The following DNAH17 variants were observed in gnomAD, a reference collection of about 807,000 sequenced individuals.
DNAH17 encodes the protein axonemal beta dynein heavy chain 17.
In DNAH17, 376 loss-of-function variants were observed where a neutral mutation model predicts 485.6. That is an observed-to-expected ratio of 0.77 (90% CI 0.71 to 0.84). The LOEUF is 0.84. Among genes scored for constraint, DNAH17 ranks in the 40% least tolerant of loss-of-function variants. The pLI, the probability that DNAH17 is intolerant of heterozygous loss-of-function variation, is 0.00. For missense variants in DNAH17, 6,370 were observed against 5,839.3 expected (o/e 1.09, Z -2.96); for synonymous variants, 3,031 against 2,405.9 (o/e 1.26, Z -7.60).
In DNAH17 at chr17:78,476,701, T is replaced by C. The variant is rs760195448; in HGVS notation, c.8025A>G (p.Lys2675=). 4 of 1,612,852 alleles carry C rather than the reference T, an allele frequency of 2.5e-6. No individual in the cohort carries two copies. In the African/African-American group the frequency reaches 5.3e-5, roughly 22 times the overall value. ...GLLFSTAEVL[K]TPLDLVRLWL... ...AAAGGCGGACGAGGTCCAGTGGGGT[T>C]TTCAGAACTTCTGCTGTGGAAAATA... is the stretch of plus-strand genomic sequence containing the variant. The change falls in exon 52 of 81, where the codon AAA becomes AAG. Residue 2675 remains lysine (K), a synonymous_variant. Transcript: ENST00000389840.
chr17:78,560,252 G>A (rs571541367), intron 13 of DNAH17, among the ~76,000 whole-genome samples: 1 of 152,302 alleles, frequency 6.6e-6, no homozygotes, highest in African/African-American at 2.4e-5. Context: ...TTAGTGAGTG[G>A]GAAGATTTCC....
chr17:78,479,564 G>C lies in DNAH17; in HGVS notation c.7821C>G (p.Ile2607Met). 1 of 1,613,730 alleles carries C rather than the reference G, an allele frequency of 6.2e-7. No homozygotes were observed. The highest frequency in any genetic ancestry group is 1.1e-5 in the South Asian group (1 of 91,082). ...AGCGGAAGGCCAGGTGCTGCGTCAG[G>C]ATTGTGTTGTAGATGGTGGTGAGGG... ...QEALTTIYNT[I>M]LTQHLAFRSV... Residue 2607 changes from isoleucine to methionine, a missense_variant, in exon 50 of 81, where the codon ATC (isoleucine) becomes ATG (methionine). Transcript: ENST00000389840.
chr17:78,512,957 A>G (rs1342642712), intron 26 of DNAH17, among the ~76,000 whole-genome samples: 1 of 151,272 alleles, frequency 6.6e-6, no homozygotes, highest in Non-Finnish European at 1.5e-5. Context: ...AAAAAAAAAA[A>G]AAAAAAAGAA....
chr17:78,455,595 G>A, intron 63 of DNAH17, 49 bp downstream of exon 63: 1 of 1,414,470 alleles, frequency 7.1e-7, no homozygotes. Flanking sequence ...CCAAAGTGCT[G>A]GCATTACAGG....
chr17:78,534,256 C>G (rs962877127), intron 19 of DNAH17, among the ~76,000 whole-genome samples: 9 of 152,236 alleles, frequency 5.9e-5, no homozygotes, highest in Admixed American at 1.3e-4. Flanking sequence ...GAGGCCCCAT[C>G]GGGACCCAGA....
At chr17:78,468,078 G>C (rs2088566771) in intron 55 of DNAH17, among the ~76,000 whole-genome samples, 1 of 51,746 alleles carries the variant, frequency 1.9e-5, no homozygotes, top group South Asian at 8.9e-4. Flanking sequence ...ACTTAAACTA[G>C]CTGTGTGTGG....
At position 78,539,851 on chromosome 17, in the gene DNAH17, T is replaced by C; in HGVS notation, c.2562A>G (p.Thr854=). 3 of 1,609,944 alleles carry C rather than the reference T, an allele frequency of 1.9e-6. No individual in the cohort carries two copies. The highest frequency in any genetic ancestry group is 2.5e-6 in the Non-Finnish European group (3 of 1,178,910). The change falls in exon 18 of 81, where the codon ACA becomes ACG. Residue 854 remains threonine, a synonymous_variant. Coordinates refer to ENST00000389840, the MANE Select transcript of DNAH17 (RefSeq NM_173628.4). The stretch of plus-strand genomic sequence containing the variant: ...CATAATCCTTCCAGGGCAGGCTCAG[T>C]GTGTCTGCCCTGAATAGTTCTGCGT... ...AENAELFRAD[T]LSLPWKDYVI...
chr17:78,528,379 T>C (rs1390537907), intron 22 of DNAH17, among the ~76,000 whole-genome samples: 3 of 152,030 alleles, frequency 2.0e-5, no homozygotes, highest in African/African-American at 7.2e-5. Context: ...TCCCACCTCC[T>C]GAGCAGCTGG....
chr17:78,530,704 C>G (rs372293295), intron 20 of DNAH17, among the ~76,000 whole-genome samples, 192 bp from the exon 21 acceptor site: 1 of 152,160 alleles, frequency 6.6e-6, no homozygotes, highest in African/African-American at 2.4e-5. Flanking sequence ...TTCCTTCCAG[C>G]CCCAGAGTCT....
chr17:78,571,666 C>T lies in DNAH17; in HGVS notation c.656G>A (p.Gly219Glu). The part of the protein sequence containing the change: ...SKDSAQALLD[G>E]LHPLPQVEFE... ...CTCCACTTGGGGCAGGGGGTGCAGC[C>T]CATCCAGCAGCGCCTGGGCTGAGTC... is the stretch of plus-strand genomic sequence containing the variant. Residue 219 changes from glycine to glutamate, a missense_variant, in exon 4 of 81, where the codon GGG (glycine) becomes GAG (glutamate). Physicochemically the swap from Gly to Glu is moderately conservative, Grantham distance 98 (BLOSUM62 -2). Transcript: ENST00000389840. The T allele has an allele frequency of 1.9e-6, 3 of 1,613,970 alleles. No individual in the cohort carries two copies. Among genetic ancestry groups the T allele is most frequent in the South Asian group, 2.2e-5 (2 of 91,078 alleles).
chr17:78,494,572 C>T (rs2089996564), intron 40 of DNAH17, 21 bp downstream of exon 40: 1 of 1,612,136 alleles, frequency 6.2e-7, no homozygotes, highest in African/African-American at 1.3e-5. Context: ...CCGGACAGAC[C>T]TGAGACCCAG....
chr17:78,450,021 G>A (rs2087477921), intron 68 of DNAH17: 1 of 561,786 alleles, frequency 1.8e-6, no homozygotes, highest in Non-Finnish European at 3.2e-6. Context: ...AGGCACCAGG[G>A]GAAGAGCAGG....
intron 16 of DNAH17, among the ~76,000 whole-genome samples, chr17:78,546,660 C>A (rs951302108): frequency 3.9e-5 from 6 of 152,224 alleles, no homozygotes; most frequent in African/African-American, 1.4e-4. Context: ...AATCTCAGAA[C>A]TTTGGCAGGC....
Position 78,485,769 on chromosome 17 carries a change from G to GAGGGA in DNAH17, c.7276-17_7276-13dup. ...TGGACCAAAGAGGCCTGGGGCAGGG[G>GAGGGA]AGGGAAGGGGAGGGAGCTGTGATTC... On this transcript the variant is annotated splice_polypyrimidine_tract_variant and intron_variant, in intron 46 of 80. Coordinates refer to ENST00000389840, the MANE Select transcript of DNAH17 (RefSeq NM_173628.4). 1 of 1,611,636 alleles carries GAGGGA rather than the reference G, an allele frequency of 6.2e-7. No homozygotes were observed. Among genetic ancestry groups the GAGGGA allele is most frequent in the Admixed American group, 1.7e-5 (1 of 59,938 alleles).
intron 75 of DNAH17, among the ~76,000 whole-genome samples, 172 bp downstream of exon 75, chr17:78,433,857 T>C (rs1379269017): frequency 6.6e-6 from 1 of 150,730 alleles, no homozygotes; most frequent in Non-Finnish European, 1.5e-5. Context: ...TCAAGTTCTC[T>C]TTGGTTTGTG....
chr17:78,524,692 A>G (rs535929772), intron 25 of DNAH17, among the ~76,000 whole-genome samples: 113 of 151,238 alleles, frequency 7.5e-4, no homozygotes, highest in African/African-American at 2.7e-3. Flanking sequence ...TTCCTTACTT[A>G]AAAAAATTTC....
intron 44 of DNAH17, 83 bp from the exon 45 acceptor site, chr17:78,486,589 C>T: frequency 6.8e-7 from 1 of 1,469,680 alleles, no homozygotes; most frequent in Non-Finnish European, 9.1e-7. Flanking sequence ...CCCCTCCCTA[C>T]CTCCACCCAA....
Position 78,539,896 on chromosome 17 carries a change from C to T in DNAH17, c.2533-16G>A, listed in dbSNP as rs1296179359. The T allele has an allele frequency of 6.4e-7, 1 of 1,557,456 alleles. No homozygotes were observed. The highest frequency in any genetic ancestry group is 1.2e-5 in the South Asian group (1 of 81,570). On this transcript the variant is annotated splice_polypyrimidine_tract_variant and intron_variant, in intron 17 of 80. Transcript: ENST00000389840. ...CTGCGTTTTCCTGCAAACAGAAGCGCACAGTTGGGCCTCACTTCACTGGCT... is the reference window on the plus strand; with the variant it reads ...CTGCGTTTTCCTGCAAACAGAAGCGTACAGTTGGGCCTCACTTCACTGGCT...
chr17:78,537,503 C>G (rs765302911), intron 18 of DNAH17, 22 bp from the exon 19 acceptor site: 2 of 1,611,078 alleles, frequency 1.2e-6, no homozygotes, highest in South Asian at 2.2e-5. Context: ...GTGGGGTTGG[C>G]AGTGGTCAAC....
Sources: gnomAD v4.1 joint callset for allele counts (sites outside exome capture counted in the v4.1 genomes callset) on GRCh38, gnomAD v4.1.1 for gene constraint, MANE v1.5 for transcripts, NCBI Gene and HGNC (gene_info 2026-07-23, HGNC 2026-07-21) for gene names.